The following HS3ST4 variants were observed in gnomAD, a reference collection of about 807,000 sequenced individuals.
HS3ST4 encodes heparan sulfate glucosamine 3-O-sulfotransferase 4.
Under a neutral mutation model 29.2 loss-of-function variants are expected in HS3ST4, and 17 were observed. The observed-to-expected ratio is 0.58, with a 90% CI of 0.40 to 0.87. The LOEUF (loss-of-function observed/expected upper bound fraction) is 0.87, where lower values mean the gene tolerates loss of function less well. Among genes scored for constraint, HS3ST4 ranks in the 40% least tolerant of loss-of-function variants. The pLI, the probability that HS3ST4 is intolerant of heterozygous loss-of-function variation, is 0.00. For synonymous variants in HS3ST4, 314 were observed against 285.7 expected (o/e 1.10, Z -1.00); for missense variants, 627 against 634.5 (o/e 0.99, Z 0.13).
chr16:25,889,143 A>G (rs1319306719), intron 1 of HS3ST4, among the ~76,000 whole-genome samples: 1 of 152,184 alleles, frequency 6.6e-6, no homozygotes, highest in Non-Finnish European at 1.5e-5. Context: ...GGAGAAGTCG[A>G]ATGTGAAATT....
At chr16:25,732,517 T>C (rs144850604) in intron 1 of HS3ST4, among the ~76,000 whole-genome samples, 69 of 152,286 alleles carry the variant, frequency 4.5e-4, no homozygotes, top group African/African-American at 1.5e-3. Flanking sequence ...TTTTCCAGCT[T>C]TTCACAGTGA....
At chr16:25,922,640 C>T (rs113406150) in intron 1 of HS3ST4, among the ~76,000 whole-genome samples, 11,790 of 152,306 alleles carry the variant, frequency 0.077, 576 homozygotes, top group Non-Finnish European at 0.096. Flanking sequence ...TCCAGGCACG[C>T]TGGATACCTG....
At chr16:25,987,234 C>T (rs1280438561) in intron 1 of HS3ST4, among the ~76,000 whole-genome samples, 4 of 152,078 alleles carry the variant, frequency 2.6e-5, no homozygotes, top group African/African-American at 7.2e-5. Context: ...CCTGTAATCC[C>T]AGCTACTTGG....
At chr16:25,819,971 AC>A (rs1967131271) in intron 1 of HS3ST4, among the ~76,000 whole-genome samples, 1 of 123,246 alleles carries the variant, frequency 8.1e-6, no homozygotes, top group African/African-American at 3.1e-5. Context: ...AGATCGTGCC[AC>A]TGCACTCCAG....
chr16:25,737,039 G>GTT (rs60294251), intron 1 of HS3ST4, among the ~76,000 whole-genome samples: 2 of 148,552 alleles, frequency 1.3e-5, no homozygotes, highest in African/African-American at 2.5e-5. Flanking sequence ...GTAGAGATGG[G>GTT]TTTTTTTTTT....
At chr16:26,060,502 A>G (rs1243323795) in intron 1 of HS3ST4, among the ~76,000 whole-genome samples, 1 of 152,132 alleles carries the variant, frequency 6.6e-6, no homozygotes, top group Non-Finnish European at 1.5e-5. Flanking sequence ...TACAGTCTTC[A>G]GATACTCGTC....
At chr16:25,870,935 A>G (rs1035015647) in intron 1 of HS3ST4, among the ~76,000 whole-genome samples, 1 of 152,198 alleles carries the variant, frequency 6.6e-6, no homozygotes, top group African/African-American at 2.4e-5. Context: ...CCTGATCCAC[A>G]AAGAAAGGAG....
intron 1 of HS3ST4, among the ~76,000 whole-genome samples, chr16:25,880,729 G>C (rs1188236979): frequency 6.6e-6 from 1 of 152,166 alleles, no homozygotes; most frequent in Non-Finnish European, 1.5e-5. Flanking sequence ...TGCTTGGGTT[G>C]CTAAATTAAG....
intron 1 of HS3ST4, among the ~76,000 whole-genome samples, chr16:25,795,718 G>T (rs1157573646): frequency 6.6e-6 from 1 of 152,114 alleles, no homozygotes; most frequent in Non-Finnish European, 1.5e-5. Context: ...CTTTTCTGTG[G>T]CAGGCAGCAG....
Position 25,816,629 on chromosome 16 carries a change from CTT to C in HS3ST4, c.734+123479_734+123480del, listed in dbSNP as rs940605387. 5.3e-5 allele frequency among the ~76,000 whole-genome samples: 8 copies of C among 152,228 alleles called. No homozygotes were observed. The South Asian group carries it at 1.0e-3, about 20-fold the overall frequency. On this transcript the variant is annotated intron_variant, in intron 1 of 1. Transcript: ENST00000331351. ...TCTCTGGTGTTGATTTCAGAGGTGTCTTAGTCTTTTTTTTCTGTTGCTTGTAA... is the reference window on the plus strand; with the variant it reads ...TCTCTGGTGTTGATTTCAGAGGTGTCAGTCTTTTTTTTCTGTTGCTTGTAA...
intron 1 of HS3ST4, among the ~76,000 whole-genome samples, chr16:26,005,908 C>T (rs1969253725): frequency 6.6e-6 from 1 of 152,134 alleles, no homozygotes; most frequent in African/African-American, 2.4e-5. Flanking sequence ...ATAGTAGCAT[C>T]CCCTGCTCCC....
At chr16:25,872,943 CTCTTTCTCA>C (rs1967770815) in intron 1 of HS3ST4, among the ~76,000 whole-genome samples, 3 of 152,142 alleles carry the variant, frequency 2.0e-5, no homozygotes, top group African/African-American at 7.2e-5. Flanking sequence ...TGGCTGGGCA[CTCTTTCTCA>C]TCTTTCTCAT....
chr16:25,905,588 A>G (rs1968170827), intron 1 of HS3ST4, among the ~76,000 whole-genome samples: 1 of 152,214 alleles, frequency 6.6e-6, no homozygotes, highest in African/African-American at 2.4e-5. Flanking sequence ...TTGTATGGGC[A>G]TGAAGGCTCG....
At chr16:25,784,687 G>C (rs1414196477) in intron 1 of HS3ST4, among the ~76,000 whole-genome samples, 1 of 152,130 alleles carries the variant, frequency 6.6e-6, no homozygotes, top group Non-Finnish European at 1.5e-5. Flanking sequence ...AGCATGGGTT[G>C]GTTCATGAGG....
chr16:25,755,142 A>C (rs567920391), intron 1 of HS3ST4, among the ~76,000 whole-genome samples: 9 of 152,060 alleles, frequency 5.9e-5, no homozygotes, highest in Admixed American at 5.9e-4. Context: ...CCACCCACAC[A>C]TCCATTCATT....
intron 1 of HS3ST4, among the ~76,000 whole-genome samples, chr16:26,012,874 A>G (rs1969323555): frequency 6.6e-6 from 1 of 152,184 alleles, no homozygotes; most frequent in Non-Finnish European, 1.5e-5. Context: ...CATTATTGTT[A>G]AAACATGAGG....
chr16:26,049,118 A>G (rs1417595490), intron 1 of HS3ST4, among the ~76,000 whole-genome samples: 1 of 152,080 alleles, frequency 6.6e-6, no homozygotes, highest in African/African-American at 2.4e-5. Context: ...TGATATTGAC[A>G]TAATAATTAT....
At chr16:25,928,821 C>T (rs1457828383) in intron 1 of HS3ST4, among the ~76,000 whole-genome samples, 1 of 152,182 alleles carries the variant, frequency 6.6e-6, no homozygotes, top group Non-Finnish European at 1.5e-5. Context: ...AGAATCGATG[C>T]AGCCCAAGCC....
At chr16:25,993,530 A>AT (rs1969131214) in intron 1 of HS3ST4, among the ~76,000 whole-genome samples, 1 of 151,972 alleles carries the variant, frequency 6.6e-6, no homozygotes. Flanking sequence ...AAAAGACTGG[A>AT]ATTCCTATCT....
Sources: gnomAD v4.1 joint callset for allele counts (sites outside exome capture counted in the v4.1 genomes callset) on GRCh38, gnomAD v4.1.1 for gene constraint, MANE v1.5 for transcripts, NCBI Gene and HGNC (gene_info 2026-07-23, HGNC 2026-07-21) for gene names.